Variants in PCLO observed in about 807,000 individuals in gnomAD.
PCLO encodes the protein protein piccolo.
Under a neutral mutation model 427.5 loss-of-function variants are expected in PCLO, and 82 were observed. That is an observed-to-expected ratio of 0.19 (90% CI 0.16 to 0.23). The LOEUF (loss-of-function observed/expected upper bound fraction) is 0.23, where lower values mean the gene tolerates loss of function less well. Among genes scored for constraint, PCLO ranks in the 10% least tolerant of loss-of-function variants. The pLI, the probability that PCLO is intolerant of heterozygous loss-of-function variation, is 1.00. For missense variants in PCLO, 6,239 were observed against 6,115.9 expected, an observed-to-expected ratio of 1.02 and a Z score of -0.67; for synonymous variants, 2,357 against 2,155.4, an observed-to-expected ratio of 1.09 and a Z score of -2.59.
intron 22 of PCLO, among the ~76,000 whole-genome samples, chr7:82,769,024 C>G (rs1790590832): frequency 6.6e-6 from 1 of 152,086 alleles, no homozygotes; most frequent in Non-Finnish European, 1.5e-5. Context: ...CGTTAAATGG[C>G]CCTGGCTGAA....
At chr7:83,149,971 T>C (rs934462699) in intron 2 of PCLO, among the ~76,000 whole-genome samples, 41 of 152,152 alleles carry the variant, frequency 2.7e-4, no homozygotes, top group African/African-American at 9.4e-4. Flanking sequence ...GCCAAAAGAC[T>C]TATATATGTG....
intron 9 of PCLO, among the ~76,000 whole-genome samples, chr7:82,891,509 T>C: frequency 6.6e-6 from 1 of 152,146 alleles, no homozygotes; most frequent in East Asian, 1.9e-4. Context: ...CCTCTTTTCC[T>C]AATTGAATAC....
At chr7:82,881,297 G>T (rs1793502632) in intron 9 of PCLO, among the ~76,000 whole-genome samples, 1 of 152,174 alleles carries the variant, frequency 6.6e-6, no homozygotes, top group Non-Finnish European at 1.5e-5. Context: ...GTTTCATTCT[G>T]CAAATGACAG....
At chr7:83,121,737 G>A (rs1046530333) in intron 3 of PCLO, among the ~76,000 whole-genome samples, 2 of 152,086 alleles carry the variant, frequency 1.3e-5, no homozygotes, top group Non-Finnish European at 2.9e-5. Flanking sequence ...TTAGACAAAT[G>A]TTATAGATTT....
Position 83,154,758 on chromosome 7 carries a change from T to G in PCLO, c.1883A>C (p.His628Pro). Residue 628 changes from histidine (H) to proline (P), a missense_variant, in exon 2 of 25, where the codon CAT becomes CCT. Around this residue, in one of 5 missense-constraint regions of PCLO, gnomAD observed 4,677 missense variants for 4,468.4 expected, o/e 1.05. Transcript: ENST00000333891. ...AATAAATGCACTTACCTCCGTTAAA[T>G]GAGGATTGGGATTAAAACCACAGAG... ...CSLCGFNPNP[H>P]LTEVKEWLCL... 1 of 1,612,492 alleles carries G rather than the reference T, an allele frequency of 6.2e-7. No individual in the cohort carries two copies. The highest frequency in any genetic ancestry group is 8.5e-7 in the Non-Finnish European group (1 of 1,178,536).
At chr7:82,894,513 C>T (rs1049252568) in intron 9 of PCLO, 9 of 152,284 alleles carry the variant, frequency 5.9e-5, no homozygotes, top group African/African-American at 2.2e-4. Context: ...ATAAAACCAT[C>T]AGATCTCATG....
intron 10 of PCLO, among the ~76,000 whole-genome samples, chr7:82,878,790 A>G (rs1793432889): frequency 6.6e-6 from 1 of 152,236 alleles, no homozygotes; most frequent in African/African-American, 2.4e-5. Flanking sequence ...TAGATGCTGC[A>G]GACCATACAT....
chr7:83,123,757 C>T (rs1471363485), intron 3 of PCLO, among the ~76,000 whole-genome samples: 1 of 151,876 alleles, frequency 6.6e-6, no homozygotes, highest in Admixed American at 6.6e-5. Context: ...ATACACAGAG[C>T]TGAAACAAAT....
chr7:82,854,039 C>T (rs1792736034), intron 10 of PCLO, among the ~76,000 whole-genome samples: 1 of 152,138 alleles, frequency 6.6e-6, no homozygotes. Flanking sequence ...TTATCTATAG[C>T]TGTTCTTGAC....
chr7:82,979,882 C>T (rs1796108813), intron 3 of PCLO, among the ~76,000 whole-genome samples: 1 of 152,128 alleles, frequency 6.6e-6, no homozygotes, highest in South Asian at 2.1e-4. Flanking sequence ...GTTTAATGGA[C>T]ACATAACAAC....
intron 3 of PCLO, among the ~76,000 whole-genome samples, chr7:83,125,500 AAAG>A (rs951019024): frequency 1.8e-4 from 28 of 152,224 alleles, no homozygotes; most frequent in African/African-American, 6.5e-4. Context: ...GTCTGTGTAG[AAAG>A]AAGTAGACAT....
At chr7:82,946,720 C>A (rs571572343) in intron 6 of PCLO, among the ~76,000 whole-genome samples, 1 of 152,100 alleles carries the variant, frequency 6.6e-6, no homozygotes. Context: ...ATGAAACAAG[C>A]AGAGATCACA....
intron 9 of PCLO, among the ~76,000 whole-genome samples, chr7:82,899,021 T>A (rs80125376): frequency 6.6e-6 from 1 of 151,328 alleles, no homozygotes; most frequent in African/African-American, 2.4e-5. Context: ...TATAGAACAA[T>A]GCTAAGACAG....
chr7:82,915,324 G>A lies in PCLO; in HGVS notation c.12662C>T (p.Thr4221Ile). Residue 4221 changes from threonine to isoleucine, a missense_variant, in exon 7 of 25, where the codon ACT (threonine) becomes ATT (isoleucine). This residue lies in a region of PCLO where 680 missense variants were observed against 677.3 expected (regional missense o/e 1.00). Coordinates refer to ENST00000333891, the MANE Select transcript of PCLO (RefSeq NM_033026.6). ...GCCACCAATAGATGAAGTGCTAGAAGTCATATAGCTTGAATAATCAGGTTC... is the reference window on the plus strand; with the variant it reads ...GCCACCAATAGATGAAGTGCTAGAAATCATATAGCTTGAATAATCAGGTTC... ...DLEPDYSSYM[T>I]SSTSSIGGIS... is the part of the protein sequence containing the mutation. 3.1e-6 allele frequency: 5 copies of A among 1,613,602 alleles called. No homozygotes were observed. Among genetic ancestry groups the A allele is most frequent in the Non-Finnish European group, 8.5e-7 (1 of 1,179,710 alleles).
rs1449845128 is a variant in PCLO at position 82,955,527 on chromosome 7, T to C, written c.5426A>G (p.Lys1809Arg). 6.2e-7 allele frequency: 1 copy of C among 1,613,912 alleles called. No homozygotes were observed. The highest frequency in any genetic ancestry group is 8.5e-7 in the Non-Finnish European group (1 of 1,179,872). Residue 1809 changes from lysine to arginine, a missense_variant, in exon 5 of 25, where the codon AAA (lysine) becomes AGA (arginine). Around this residue, in one of 5 missense-constraint regions of PCLO, gnomAD observed 4,677 missense variants for 4,468.4 expected, o/e 1.05. Transcript: ENST00000333891. ...CTGAGCTCGAAGTTCATCTTTGTCT[T>C]TCTTTGATTTTTTACTAGAACTCTT... is the stretch of plus-strand genomic sequence containing the variant. ...QRKSSSKKSK[K>R]DKDELRAQRR...
chr7:83,060,385 C>G (rs1044511346), intron 3 of PCLO, among the ~76,000 whole-genome samples: 1 of 152,084 alleles, frequency 6.6e-6, no homozygotes, highest in Non-Finnish European at 1.5e-5. Flanking sequence ...TGCCACCTGA[C>G]CTTGCTGCTC....
At chr7:83,162,255 G>T in intron 1 of PCLO, 90 bp downstream of exon 1, 1 of 1,423,594 alleles carries the variant, frequency 7.0e-7, no homozygotes, top group Non-Finnish European at 9.4e-7. Flanking sequence ...CGACATATAT[G>T]TACCGCCGTG....
chr7:82,897,222 C>G (rs927957735), intron 9 of PCLO, among the ~76,000 whole-genome samples: 5 of 151,558 alleles, frequency 3.3e-5, no homozygotes, highest in African/African-American at 1.2e-4. Flanking sequence ...TGTGTTAGAG[C>G]TGAATTTCAA....
chr7:82,857,532 C>T (rs1792839906), intron 10 of PCLO, among the ~76,000 whole-genome samples: 1 of 152,086 alleles, frequency 6.6e-6, no homozygotes, highest in African/African-American at 2.4e-5. Flanking sequence ...TAAATGCTAT[C>T]TGAACTAGTG....
Sources: gnomAD v4.1 joint callset for allele counts (sites outside exome capture counted in the v4.1 genomes callset) on GRCh38, gnomAD v4.1.1 for gene constraint, gnomAD v4.1.1 regional missense constraint, MANE v1.5 for transcripts, NCBI Gene and HGNC (gene_info 2026-07-23, HGNC 2026-07-21) for gene names.